Variants in RAB4B observed in about 807,000 individuals in gnomAD.
RAB4B encodes the protein ras-related protein Rab-4B.
Under a neutral mutation model 28.3 loss-of-function variants are expected in RAB4B, and 15 were observed. The observed-to-expected ratio is 0.53, with a 90% CI of 0.35 to 0.82. The LOEUF is 0.82. RAB4B is among the 40% of genes least tolerant of loss of function. The pLI, the probability that RAB4B is intolerant of heterozygous loss-of-function variation, is 0.01. For missense variants in RAB4B, 244 were observed against 288.5 expected (o/e 0.85, Z 1.12); for synonymous variants, 108 against 116.3 (o/e 0.93, Z 0.46).
At chr19:40,780,123 G>C (rs377146281) in intron 2 of RAB4B, 24 bp downstream of exon 2, 1 of 1,612,680 alleles carries the variant, frequency 6.2e-7, no homozygotes, top group African/African-American at 1.3e-5. Flanking sequence ...AGTGGTCCTG[G>C]GAACCCTGAG....
intron 5 of RAB4B, among the ~76,000 whole-genome samples, chr19:40,785,366 C>G (rs1000215381): frequency 6.8e-6 from 1 of 147,634 alleles, no homozygotes; most frequent in African/African-American, 2.5e-5. Context: ...AAAAAAAAGC[C>G]TGGGTGTGGT....
intron 3 of RAB4B, among the ~76,000 whole-genome samples, chr19:40,781,613 G>A (rs556970958): frequency 3.9e-4 from 59 of 152,160 alleles, no homozygotes; most frequent in African/African-American, 1.3e-3. Context: ...TTCCAAAAGA[G>A]AGATGGAGAA....
intron 3 of RAB4B, 25 bp downstream of exon 3, chr19:40,780,524 T>C (rs1288943092): frequency 1.3e-6 from 2 of 1,576,892 alleles, no homozygotes; most frequent in African/African-American, 2.7e-5. Flanking sequence ...CTCCCAAGGG[T>C]GATGGGGAGA....
At chr19:40,792,364 G>T (rs543189028) in intron 7 of RAB4B, 1 of 152,224 alleles carries the variant, frequency 6.6e-6, no homozygotes, top group South Asian at 2.1e-4. Flanking sequence ...AGACTTGATC[G>T]ATGAGGGCTG....
intron 6 of RAB4B, 27 bp downstream of exon 6, chr19:40,786,787 A>C: frequency 6.2e-7 from 1 of 1,613,930 alleles, no homozygotes; most frequent in South Asian, 1.1e-5. Context: ...CCCGAGTGGG[A>C]GCGAAGGGCA....
intron 2 of RAB4B, 142 bp from the exon 3 acceptor site, chr19:40,780,243 C>A: frequency 6.9e-7 from 1 of 1,449,150 alleles, no homozygotes; most frequent in Non-Finnish European, 9.3e-7. Flanking sequence ...GTCGTATGTC[C>A]TTTACTAGGT....
At chr19:40,793,817 AG>A (rs1204651640) in intron 7 of RAB4B, among the ~76,000 whole-genome samples, 2 of 150,034 alleles carry the variant, frequency 1.3e-5, no homozygotes, top group Admixed American at 1.3e-4. Context: ...CCAGCTACTC[AG>A]GGGGCTGAGG....
intron 7 of RAB4B, among the ~76,000 whole-genome samples, chr19:40,790,288 G>C (rs1246728660): frequency 1.3e-5 from 2 of 152,072 alleles, no homozygotes; most frequent in African/African-American, 4.8e-5. Context: ...GGGAAGAGGA[G>C]TGGCTGAGAA....
intron 7 of RAB4B, among the ~76,000 whole-genome samples, chr19:40,796,064 A>G (rs934495379): frequency 2.0e-5 from 3 of 152,062 alleles, no homozygotes; most frequent in Non-Finnish European, 4.4e-5. Flanking sequence ...CAGTGGCACA[A>G]TCTTGGCTCA....
At chr19:40,781,312 G>GAATA (rs769534052) in intron 3 of RAB4B, among the ~76,000 whole-genome samples, 5,831 of 144,382 alleles carry the variant, frequency 0.04, 148 homozygotes, top group Middle Eastern at 0.055. Flanking sequence ...ATAAATAAAT[G>GAATA]AATAAATAAA....
At chr19:40,779,761 C>A in intron 1 of RAB4B, 2 of 854,864 alleles carry the variant, frequency 2.3e-6, no homozygotes, top group Non-Finnish European at 3.2e-6. Flanking sequence ...ACAAAAACAA[C>A]GACAAAAAAA....
At chr19:40,790,743 G>T (rs955669499) in intron 7 of RAB4B, among the ~76,000 whole-genome samples, 1 of 145,428 alleles carries the variant, frequency 6.9e-6, no homozygotes, top group East Asian at 2.0e-4. Context: ...GTGCAGTGGC[G>T]CCATCTTGGC....
intron 7 of RAB4B, among the ~76,000 whole-genome samples, chr19:40,793,873 G>A (rs1362483483): frequency 6.6e-6 from 1 of 151,470 alleles, no homozygotes; most frequent in Non-Finnish European, 1.5e-5. Context: ...TTAGTGAGCC[G>A]AGATCGCACC....
Position 40,783,689 on chromosome 19 carries a change from C to T in RAB4B, c.213-89C>T, listed in dbSNP as rs949167010. ...ATGGGCCAGCAGTGAAGGGGGGGGC[C>T]TCCGAACCACCAGTCTGTCTCTGTA... On this transcript the variant is annotated intron_variant, in intron 3 of 7. Transcript: ENST00000357052. 13 of 1,326,284 alleles carry T rather than the reference C, an allele frequency of 9.8e-6. No individual in the cohort carries two copies. The Admixed American group carries it at 3.7e-4, about 38-fold the overall frequency. The allele number at this position is 1,326,284 out of a possible 1,614,324, so 82.2% of individuals were successfully genotyped here.
At chr19:40,791,926 C>T (rs2083163373) in intron 7 of RAB4B, among the ~76,000 whole-genome samples, 1 of 152,236 alleles carries the variant, frequency 6.6e-6, no homozygotes, top group Non-Finnish European at 1.5e-5. Context: ...AGCCACTGCA[C>T]CCGGCCCCAA....
chr19:40,793,764 A>C (rs1372192357), intron 7 of RAB4B, among the ~76,000 whole-genome samples: 1 of 151,154 alleles, frequency 6.6e-6, no homozygotes, highest in East Asian at 2.0e-4. Flanking sequence ...CCTCTACTAA[A>C]AATACAAAAG....
Position 40,783,147 on chromosome 19 carries a change from C to CAAA in RAB4B, c.213-608_213-606dup, listed in dbSNP as rs1168587843. ...GGGAGACAAGAGTGAGATTCCTACTCAAAAAAAAAAAAAAAAAAAAAAAAA... is the reference window on the plus strand; with the variant it reads ...GGGAGACAAGAGTGAGATTCCTACTCAAAAAAAAAAAAAAAAAAAAAAAAAAAA... On this transcript the variant is annotated intron_variant, in intron 3 of 7. Coordinates refer to ENST00000357052, the MANE Select transcript of RAB4B (RefSeq NM_016154.5). Among the ~76,000 whole-genome samples, 75 of 35,688 alleles carry CAAA rather than the reference C, an allele frequency of 2.1e-3. 2 individuals are homozygous for CAAA. The highest frequency in any genetic ancestry group is 0.018 in the Middle Eastern group (1 of 56). 23.4% of individuals were successfully genotyped at this position (35,688 alleles called of 152,430 possible). A position where few individuals can be genotyped will look rare whatever the true frequency, so the allele number is the denominator to read the frequency against.
At chr19:40,795,968 A>G (rs1044419320) in intron 7 of RAB4B, among the ~76,000 whole-genome samples, 4 of 151,804 alleles carry the variant, frequency 2.6e-5, no homozygotes. Context: ...CGGCCTCCCA[A>G]AGTGCTGGGA....
At chr19:40,795,724 T>A (rs2083203886) in intron 7 of RAB4B, among the ~76,000 whole-genome samples, 2 of 145,470 alleles carry the variant, frequency 1.4e-5, no homozygotes, top group Non-Finnish European at 3.0e-5. Context: ...TTATTTATTT[T>A]GAGATGGAGT....
Sources: allele counts gnomAD v4.1 joint callset (sites outside exome capture counted in the v4.1 genomes callset), GRCh38; gene constraint gnomAD v4.1.1; transcripts MANE v1.5; gene names NCBI Gene and HGNC (gene_info 2026-07-23, HGNC 2026-07-21).